The following FAP variants were observed in gnomAD, a reference collection of about 807,000 sequenced individuals.
FAP encodes the protein prolyl endopeptidase FAP.
FAP carries 110 observed loss-of-function variants against 126.5 expected under a neutral mutation model. That is an observed-to-expected ratio of 0.87 (90% CI 0.74 to 1.02). The LOEUF (loss-of-function observed/expected upper bound fraction) is 1.02. Among genes scored for constraint, FAP ranks in the 50% least tolerant of loss-of-function variants. The pLI, the probability that FAP is intolerant of heterozygous loss-of-function variation, is 0.00. For synonymous variants in FAP, 334 were observed against 297.3 expected, an observed-to-expected ratio of 1.12 and a Z score of -1.27; for missense variants, 919 against 909.2, an observed-to-expected ratio of 1.01 and a Z score of -0.14.
chr2:162,174,868 G>T lies in FAP; in HGVS notation c.1968C>A (p.Tyr656Ter). 1 of 1,600,294 alleles carries T rather than the reference G, an allele frequency of 6.2e-7. No individual in the cohort carries two copies. The highest frequency in any genetic ancestry group is 8.6e-7 in the Non-Finnish European group (1 of 1,168,058). Residue 656 changes from tyrosine (Y) to a stop codon, truncating the protein, a stop_gained and splice_region_variant, in exon 22 of 26, where the codon TAC (tyrosine) becomes TAA (stop). Transcript: ENST00000188790. LOFTEE classifies it high-confidence loss of function. ...AVAPVSSWEY[Y>*]ASVYTERFMG... ...TAACATTAATGAATGTTTCCATACC[G>T]TAATATTCCCAGCTGGAGACTGGAG... is the stretch of plus-strand genomic sequence containing the variant.
At chr2:162,171,119 T>C in intron 25 of FAP, 39 bp from the exon 26 acceptor site, 2 of 1,521,828 alleles carry the variant, frequency 1.3e-6, no homozygotes, top group East Asian at 2.3e-5. Context: ...ATTCCTGCAG[T>C]CATCAAATGC....
chr2:162,209,527 G>T (rs1688844103), intron 12 of FAP: 1 of 156,980 alleles, frequency 6.4e-6, no homozygotes, highest in Non-Finnish European at 1.4e-5. Context: ...CATGTTATAT[G>T]AAATTTAATA....
At position 162,173,797 on chromosome 2, in the gene FAP, A is replaced by C. The variant is rs1687394440; in HGVS notation, c.1970-10T>G. ...TCTGTGTAGACAGACGCTATAAAAT[A>C]TATGAGAATATGCATTGTTTGCATG... On this transcript the variant is annotated splice_polypyrimidine_tract_variant and intron_variant, in intron 22 of 25. Coordinates refer to ENST00000188790, the MANE Select transcript of FAP (RefSeq NM_004460.5). 6.5e-7 allele frequency: 1 copy of C among 1,532,822 alleles called. No individual in the cohort carries two copies. Among genetic ancestry groups the C allele is most frequent in the Non-Finnish European group, 9.0e-7 (1 of 1,107,154 alleles). 95.0% of individuals were successfully genotyped at this position (1,532,822 alleles called of 1,614,324 possible). A position where few individuals can be genotyped will look rare whatever the true frequency, so the allele number is the denominator to read the frequency against.
At chr2:162,189,062 T>TTTC in intron 19 of FAP, 41 bp downstream of exon 19, 1 of 1,268,946 alleles carries the variant, frequency 7.9e-7, no homozygotes. Flanking sequence ...TCTAACATAT[T>TTTC]TTCAGTAAAT....
At chr2:162,238,961 G>A (rs1473096247) in intron 2 of FAP, among the ~76,000 whole-genome samples, 1 of 152,072 alleles carries the variant, frequency 6.6e-6, no homozygotes, top group Admixed American at 6.5e-5. Flanking sequence ...TTTCTTCAAT[G>A]CATTATAAAA....
chr2:162,219,305 T>G (rs1377482888), intron 7 of FAP, 122 bp from the exon 8 acceptor site: 4 of 914,898 alleles, frequency 4.4e-6, no homozygotes, highest in Non-Finnish European at 6.4e-6. Context: ...GATTCACAAC[T>G]AAAATACCAT....
intron 11 of FAP, 63 bp downstream of exon 11, chr2:162,213,875 T>A (rs1324565773): frequency 6.6e-7 from 1 of 1,505,490 alleles, no homozygotes; most frequent in Non-Finnish European, 9.0e-7. Flanking sequence ...TAGCTATGGA[T>A]GAGTCCCCAC....
chr2:162,218,443 T>G (rs1033941911), intron 8 of FAP, among the ~76,000 whole-genome samples: 1 of 152,100 alleles, frequency 6.6e-6, no homozygotes, highest in Non-Finnish European at 1.5e-5. Context: ...GTTTCAGGTT[T>G]TTTAGTCACC....
At chr2:162,237,260 G>A (rs569518144) in intron 2 of FAP, among the ~76,000 whole-genome samples, 73 of 152,184 alleles carry the variant, frequency 4.8e-4, no homozygotes, top group African/African-American at 1.7e-3. Flanking sequence ...GGATACATTT[G>A]CAGGACGTGC....
intron 20 of FAP, among the ~76,000 whole-genome samples, chr2:162,186,577 G>A (rs148117761): frequency 1.0e-3 from 159 of 152,164 alleles, no homozygotes; most frequent in African/African-American, 3.6e-3. Flanking sequence ...GGTGGGTTGC[G>A]ATGATGACGA....
At chr2:162,217,267 A>T (rs773019230) in intron 9 of FAP, among the ~76,000 whole-genome samples, 1 of 152,190 alleles carries the variant, frequency 6.6e-6, no homozygotes, top group Non-Finnish European at 1.5e-5. Context: ...CAAAGAAGTG[A>T]ATTCTAAAAT....
At chr2:162,175,540 G>A (rs1251125054) in intron 21 of FAP, 1 of 152,102 alleles carries the variant, frequency 6.6e-6, no homozygotes, top group Non-Finnish European at 1.5e-5. Context: ...CATGTTCTAA[G>A]GATTTCTGAC....
intron 2 of FAP, among the ~76,000 whole-genome samples, chr2:162,240,049 T>C (rs188964920): frequency 2.6e-5 from 4 of 152,276 alleles, no homozygotes; most frequent in Admixed American, 2.0e-4. Flanking sequence ...TCAGCCTTGT[T>C]GCATATTCAC....
At chr2:162,196,996 C>T (rs1241984466) in intron 16 of FAP, among the ~76,000 whole-genome samples, 1 of 152,156 alleles carries the variant, frequency 6.6e-6, no homozygotes, top group African/African-American at 2.4e-5. Context: ...CTTCAGTGGG[C>T]ACACAGGCTC....
chr2:162,240,033 C>G (rs1396542348), intron 2 of FAP, among the ~76,000 whole-genome samples: 2 of 152,080 alleles, frequency 1.3e-5, no homozygotes, highest in African/African-American at 4.8e-5. Context: ...AGCTTAGTTT[C>G]CACTCTCAGC....
chr2:162,170,849 G>T lies in FAP; in HGVS notation c.*130C>A. On this transcript the variant is annotated 3_prime_UTR_variant, in exon 26 of 26. Transcript: ENST00000188790. ...CTGAGTCCTCATCTTTTTTTTAACA[G>T]CCTTTAGAACAACATTAATTTGTTT... The T allele has an allele frequency of 1.6e-6, 1 of 638,846 alleles. No individual in the cohort carries two copies. The highest frequency in any genetic ancestry group is 2.7e-6 in the Non-Finnish European group (1 of 371,360). The allele number at this position is 638,846 out of a possible 1,614,324, so 39.6% of individuals were successfully genotyped here.
At chr2:162,224,242 T>C (rs1052184211) in intron 5 of FAP, among the ~76,000 whole-genome samples, 1 of 152,166 alleles carries the variant, frequency 6.6e-6, no homozygotes, top group Non-Finnish European at 1.5e-5. Context: ...CTGTTGTTAA[T>C]AAATGATGCA....
chr2:162,233,851 C>T (rs1689996710), intron 2 of FAP, among the ~76,000 whole-genome samples: 1 of 152,166 alleles, frequency 6.6e-6, no homozygotes, highest in African/African-American at 2.4e-5. Flanking sequence ...TTAGCTCTTA[C>T]ATTTAAGTCT....
intron 6 of FAP, 96 bp downstream of exon 6, chr2:162,223,512 A>T: frequency 1.3e-6 from 1 of 785,934 alleles, no homozygotes; most frequent in East Asian, 2.5e-5. Flanking sequence ...AAAGATCATT[A>T]AGAAGATAAA....
Sources: allele counts gnomAD v4.1 joint callset (sites outside exome capture counted in the v4.1 genomes callset), GRCh38; gene constraint gnomAD v4.1.1; transcripts MANE v1.5; gene names NCBI Gene and HGNC (gene_info 2026-07-23, HGNC 2026-07-21).